The following BDP1 variants were observed in gnomAD, a reference collection of about 807,000 sequenced individuals.
BDP1 encodes the protein BDP1 general transcription factor IIIB subunit.
In BDP1, 169 loss-of-function variants were observed where a neutral mutation model predicts 266.6. That is an observed-to-expected ratio of 0.63 (90% CI 0.56 to 0.72). The LOEUF (loss-of-function observed/expected upper bound fraction) is 0.72. BDP1 is among the 30% of genes least tolerant of loss of function. BDP1 has a pLI of 0.00. For synonymous variants in BDP1, 1,090 were observed against 1,022.4 expected (o/e 1.07, Z -1.26); for missense variants, 3,015 against 3,053.8 (o/e 0.99, Z 0.30).
intron 32 of BDP1, 77 bp downstream of exon 32, chr5:71,545,296 A>C: frequency 7.9e-7 from 1 of 1,267,608 alleles, no homozygotes; most frequent in Non-Finnish European, 1.1e-6. Context: ...TAATTTACAT[A>C]CAATAAACTT....
chr5:71,549,951 G>T lies in BDP1; in HGVS notation c.6995+345G>T, dbSNP rs543358055. ...ACTGTGAAATATGCATTCACAGAAA[G>T]TTGTGAAAATAGTACAGTGGTAATA... On this transcript the variant is annotated intron_variant, in intron 34 of 38. Coordinates refer to ENST00000358731, the MANE Select transcript of BDP1 (RefSeq NM_018429.3). Among the ~76,000 whole-genome samples, 5 of 152,350 alleles carry T rather than the reference G, an allele frequency of 3.3e-5. No homozygotes were observed. In the South Asian group the frequency reaches 1.0e-3, roughly 32 times the overall value.
At chr5:71,476,550 C>T (rs898898962) in intron 7 of BDP1, among the ~76,000 whole-genome samples, 2 of 149,702 alleles carry the variant, frequency 1.3e-5, no homozygotes, top group East Asian at 2.0e-4. Flanking sequence ...TTTTTTTTCC[C>T]TTTTTTTTTA....
rs776444238 is a variant in BDP1, at chr5:71,522,329, A to G, written c.5032A>G (p.Thr1678Ala). The change falls in exon 23 of 39, where the codon ACA becomes GCA. Residue 1678 changes from threonine (T) to alanine (A), a missense_variant. By Grantham distance (58) the Thr-to-Ala change is moderately conservative. This residue lies in a region of BDP1 where 2,383 missense variants were observed against 2,404.9 expected (regional missense o/e 0.99). Coordinates refer to ENST00000358731, the MANE Select transcript of BDP1 (RefSeq NM_018429.3). ...GTATGTTCCTAGTTCAGCACAAATG[A>G]CAAGAAGGAAATTCCAAAAGGCTAA... ...KPYVPSSAQM[T>A]RRKFQKAKPN... The G allele has an allele frequency of 2.5e-6, 4 of 1,613,902 alleles. No homozygotes were observed. In the African/African-American group the frequency reaches 5.3e-5, roughly 22 times the overall value.
rs1763446551 is a variant in BDP1, at chr5:71,489,312, T to C, written c.1214-92T>C. 10 of 862,112 alleles carry C rather than the reference T, an allele frequency of 1.2e-5. No individual in the cohort carries two copies. In the South Asian group the frequency reaches 2.1e-4, roughly 18 times the overall value. The allele number at this position is 862,112 out of a possible 1,614,324, so 53.4% of individuals were successfully genotyped here. On this transcript the variant is annotated intron_variant, in intron 9 of 38. Transcript: ENST00000358731. ...TAGGTTTTTTGTTCATACAAATAAA[T>C]AATACAGAGGACATCTTTGAGTCTC...
intron 33 of BDP1, among the ~76,000 whole-genome samples, chr5:71,549,112 C>T (rs1742556272): frequency 6.6e-6 from 1 of 152,156 alleles, no homozygotes; most frequent in Non-Finnish European, 1.5e-5. Flanking sequence ...GTGGCATGCA[C>T]CTGTAATCCC....
chr5:71,558,839 A>C (rs1743421046), intron 36 of BDP1, among the ~76,000 whole-genome samples: 1 of 148,728 alleles, frequency 6.7e-6, no homozygotes. Flanking sequence ...AAACAAAAAA[A>C]AAAAACAACA....
intron 26 of BDP1, among the ~76,000 whole-genome samples, chr5:71,535,804 G>C (rs1466393976): frequency 1.3e-5 from 2 of 151,896 alleles, no homozygotes; most frequent in South Asian, 4.2e-4. Context: ...TTACCACATG[G>C]CATTTTCCCC....
Position 71,497,297 on chromosome 5 carries a change from A to G in BDP1, c.1827A>G (p.Lys609=), listed in dbSNP as rs1763955445. 1.9e-6 allele frequency: 3 copies of G among 1,613,452 alleles called. No homozygotes were observed. In the Admixed American group the frequency reaches 5.0e-5, roughly 27 times the overall value. ...SLEIDQTENV[K]PMLRGRFQRP... ...AAATTGATCAAACAGAAAATGTTAA[A>G]CCAATGTTGAGAGGTCGCTTCCAAA... Residue 609 remains lysine, a synonymous_variant, in exon 13 of 39, where the codon AAA becomes AAG. Transcript: ENST00000358731.
At chr5:71,515,913 T>A (rs1381265623) in intron 20 of BDP1, 148 bp from the exon 21 acceptor site, 1 of 590,474 alleles carries the variant, frequency 1.7e-6, no homozygotes, top group Non-Finnish European at 3.0e-6. Flanking sequence ...TAAAATAAGA[T>A]GTTTATAATC....
At chr5:71,559,484 A>G (rs187058175) in intron 36 of BDP1, among the ~76,000 whole-genome samples, 1 of 152,240 alleles carries the variant, frequency 6.6e-6, no homozygotes, top group Admixed American at 6.5e-5. Context: ...TTATTGAGCA[A>G]GAAAGCTTTA....
chr5:71,539,676 A>G (rs751816923), intron 28 of BDP1, 27 bp downstream of exon 28: 3 of 1,511,886 alleles, frequency 2.0e-6, no homozygotes, highest in Middle Eastern at 1.7e-4. Flanking sequence ...AGTCCTATCA[A>G]AAATAGAAAC....
At chr5:71,556,146 T>G (rs766406609) in intron 35 of BDP1, among the ~76,000 whole-genome samples, 7 of 152,138 alleles carry the variant, frequency 4.6e-5, no homozygotes, top group Non-Finnish European at 1.0e-4. Flanking sequence ...TCTTTTCTAT[T>G]TAGAGAGCTT....
At chr5:71,484,731 T>C (rs112460710) in intron 8 of BDP1, among the ~76,000 whole-genome samples, 74 of 152,284 alleles carry the variant, frequency 4.9e-4, no homozygotes, top group African/African-American at 1.7e-3. Context: ...TCACCACAGC[T>C]GTGGACAGGA....
rs998365125 is a variant in BDP1, at chr5:71,504,694, A to G, written c.2315A>G (p.Asn772Ser). Residue 772 changes from asparagine (N) to serine (S), a missense_variant, in exon 16 of 39, where the codon AAT becomes AGT. Asn to Ser is a conservative substitution (Grantham distance 46). Transcript: ENST00000358731. ...EEDVILQPEK[N>S]DSFQNVQPDE... is the part of the protein sequence containing the mutation. ...GATGTCATATTACAGCCTGAGAAAA[A>G]TGATTCTTTTCAAAATGTGCAGCCA... is the stretch of plus-strand genomic sequence containing the variant. The G allele has an allele frequency of 6.2e-7, 1 of 1,613,710 alleles. No individual in the cohort carries two copies. Among genetic ancestry groups the G allele is most frequent in the African/African-American group, 1.3e-5 (1 of 75,048 alleles).
intron 25 of BDP1, among the ~76,000 whole-genome samples, chr5:71,525,095 T>C (rs1353375325): frequency 1.3e-5 from 2 of 152,220 alleles, no homozygotes; most frequent in African/African-American, 2.4e-5. Flanking sequence ...TTCCCCCCTT[T>C]CTATTCCACA....
In BDP1 at chr5:71,483,875, T is replaced by C; in HGVS notation, c.1048T>C (p.Trp350Arg). 1 of 1,611,314 alleles carries C rather than the reference T, an allele frequency of 6.2e-7. No homozygotes were observed. The highest frequency in any genetic ancestry group is 1.3e-5 in the African/African-American group (1 of 74,974). The change falls in exon 8 of 39, where the codon TGG becomes CGG. Residue 350 changes from tryptophan to arginine, a missense_variant. By Grantham distance (101) the Trp-to-Arg change is moderately radical. Transcript: ENST00000358731. ...TAAACGGGAAGAGAAAACAAATGGA[T>C]GGAGAATAGACAAAGCATTCCGTAA... ...KFKREEKTNG[W>R]RIDKAFQEKR... is the part of the protein sequence containing the mutation.
chr5:71,524,482 C>T (rs1239878178), intron 25 of BDP1, among the ~76,000 whole-genome samples, 159 bp downstream of exon 25: 1 of 152,062 alleles, frequency 6.6e-6, no homozygotes, highest in Non-Finnish European at 1.5e-5. Flanking sequence ...CCTTGTATAA[C>T]CTTTTGTGAT....
intron 11 of BDP1, among the ~76,000 whole-genome samples, chr5:71,493,674 A>G (rs537080174): frequency 4.6e-5 from 7 of 152,330 alleles, no homozygotes; most frequent in East Asian, 1.9e-4. Flanking sequence ...AAAAACACCA[A>G]CTTTGCAGAG....
chr5:71,476,548 C>CG (rs1762597408), intron 7 of BDP1, among the ~76,000 whole-genome samples: 1 of 58,554 alleles, frequency 1.7e-5, no homozygotes, highest in Non-Finnish European at 4.5e-5. Context: ...ACTTTTTTTT[C>CG]CCTTTTTTTT....
Sources: allele counts gnomAD v4.1 joint callset (sites outside exome capture counted in the v4.1 genomes callset), GRCh38; gene constraint gnomAD v4.1.1; regional missense constraint gnomAD v4.1.1; transcripts MANE v1.5; gene names NCBI Gene and HGNC (gene_info 2026-07-23, HGNC 2026-07-21).